Variants in CLEC16A observed in about 807,000 individuals in gnomAD.
The protein encoded by CLEC16A is protein CLEC16A.
Under a neutral mutation model 109.5 loss-of-function variants are expected in CLEC16A, and 51 were observed. The ratio of observed to expected loss-of-function variants is 0.47; its 90% CI spans 0.37 to 0.59. CLEC16A has a LOEUF of 0.59. Among genes scored for constraint, CLEC16A ranks in the 20% least tolerant of loss-of-function variants. CLEC16A has a pLI of 0.00. For missense variants in CLEC16A, 1,339 were observed against 1,394.0 expected, an observed-to-expected ratio of 0.96 and a Z score of 0.63; for synonymous variants, 673 against 564.2, an observed-to-expected ratio of 1.19 and a Z score of -2.73.
rs139409469 is a variant in CLEC16A, at chr16:10,949,023, C to T, written c.80+4226C>T. 4.6e-5 allele frequency among the ~76,000 whole-genome samples: 7 copies of T among 152,312 alleles called. No homozygotes were observed. The East Asian group carries it at 1.4e-3, about 29-fold the overall frequency. On this transcript the variant is annotated intron_variant, in intron 1 of 23. Transcript: ENST00000409790. ...GGGATCTGATTGGCCATTCCTCACT[C>T]ATATTCCCTTCCCTGGAGCAAGAGT...
At chr16:10,976,015 A>G (rs1428254105) in intron 7 of CLEC16A, among the ~76,000 whole-genome samples, 2 of 152,160 alleles carry the variant, frequency 1.3e-5, no homozygotes, top group East Asian at 1.9e-4. Context: ...CTGTAATCCT[A>G]CCACTTTGGG....
Position 11,044,062 on chromosome 16 carries a change from A to AT in CLEC16A, c.1810dup (p.Tyr604LeufsTer2), listed in dbSNP as rs869126719. ...GAAGAAAGTGTTCACCTTGTACGAC[A>AT]TTTTTATAAGGTAATTGGCAGAGCA... On this transcript the variant is annotated frameshift_variant, in exon 16 of 24. Transcript: ENST00000409790. LOFTEE classifies it high-confidence loss of function. 1 of 1,608,864 alleles carries AT rather than the reference A, an allele frequency of 6.2e-7. No individual in the cohort carries two copies. The highest frequency in any genetic ancestry group is 8.5e-7 in the Non-Finnish European group (1 of 1,176,830).
intron 22 of CLEC16A, among the ~76,000 whole-genome samples, chr16:11,159,162 T>C (rs898496798): frequency 6.6e-6 from 1 of 152,204 alleles, no homozygotes; most frequent in African/African-American, 2.4e-5. Flanking sequence ...CAGCAGCAGT[T>C]AGAAGAAGCT....
chr16:11,014,680 GA>G (rs1326417811), intron 11 of CLEC16A, among the ~76,000 whole-genome samples: 1 of 152,202 alleles, frequency 6.6e-6, no homozygotes. Context: ...GAGCCCCCTG[GA>G]AATCCAGCCT....
intron 1 of CLEC16A, among the ~76,000 whole-genome samples, chr16:10,946,155 A>T (rs2041355792): frequency 6.6e-6 from 1 of 152,204 alleles, no homozygotes; most frequent in Admixed American, 6.5e-5. Context: ...GTCAAGAAAT[A>T]GGCAGGTTTC....
At chr16:11,122,186 C>T (rs994533199) in intron 20 of CLEC16A, among the ~76,000 whole-genome samples, 2 of 152,230 alleles carry the variant, frequency 1.3e-5, no homozygotes, top group African/African-American at 4.8e-5. Context: ...GAGAACCACC[C>T]ACATACTTGA....
At chr16:10,976,682 C>T (rs1030031790) in intron 7 of CLEC16A, among the ~76,000 whole-genome samples, 5 of 152,100 alleles carry the variant, frequency 3.3e-5, no homozygotes, top group African/African-American at 1.2e-4. Context: ...CTGACTCCAC[C>T]CAAGAGACAT....
intron 10 of CLEC16A, among the ~76,000 whole-genome samples, chr16:10,989,222 GTTTTTT>G (rs1567163991): frequency 8.0e-5 from 8 of 100,452 alleles, no homozygotes; most frequent in Non-Finnish European, 1.9e-4. Context: ...GTTGTTTTTT[GTTTTTT>G]GTTTTTTTTT....
At chr16:11,112,190 A>G (rs2051638840) in intron 19 of CLEC16A, among the ~76,000 whole-genome samples, 1 of 152,226 alleles carries the variant, frequency 6.6e-6, no homozygotes, top group African/African-American at 2.4e-5. Flanking sequence ...ACATAGCCCC[A>G]TGAGTGCTTG....
At chr16:11,173,446 G>A (rs1008715093) in intron 23 of CLEC16A, among the ~76,000 whole-genome samples, 17 of 152,094 alleles carry the variant, frequency 1.1e-4, no homozygotes, top group South Asian at 2.1e-4. Context: ...AGCCCCACTC[G>A]GCCACCTGGC....
In CLEC16A at chr16:11,034,198, A is replaced by G. The variant is rs188870808; in HGVS notation, c.1538-5556A>G. ...TCAGTTTGGATCTTGGCTGACACAT[A>G]ACCAGAATTAGAAGTACATTGGAAA... On this transcript the variant is annotated intron_variant, in intron 13 of 23. Coordinates refer to ENST00000409790, the MANE Select transcript of CLEC16A (RefSeq NM_015226.3). 1.4e-4 allele frequency among the ~76,000 whole-genome samples: 21 copies of G among 152,350 alleles called. No homozygotes were observed. The East Asian group carries it at 3.7e-3, about 27-fold the overall frequency.
chr16:11,123,929 A>G lies in CLEC16A; in HGVS notation c.2456A>G (p.Lys819Arg), dbSNP rs2052614271. The G allele has an allele frequency of 9.3e-6, 15 of 1,611,072 alleles. No individual in the cohort carries two copies. Among genetic ancestry groups the G allele is most frequent in the Non-Finnish European group, 1.3e-5 (15 of 1,178,686 alleles). Reference protein sequence around the residue: ...AKGRIQARRMKMQRIAALLDL... With the variant: ...AKGRIQARRMRMQRIAALLDL... ...GGCCGCATCCAGGCAAGGCGCATGAAGATGCAGAGAATAGCTGGTGAGTGG... is the reference window on the plus strand; with the variant it reads ...GGCCGCATCCAGGCAAGGCGCATGAGGATGCAGAGAATAGCTGGTGAGTGG... The change falls in exon 21 of 24, where the codon AAG becomes AGG. Residue 819 changes from lysine (K) to arginine (R), a missense_variant. Lys to Arg is a conservative substitution (Grantham distance 26). Coordinates refer to ENST00000409790, the MANE Select transcript of CLEC16A (RefSeq NM_015226.3).
At chr16:11,105,246 A>T (rs1408315014) in intron 19 of CLEC16A, among the ~76,000 whole-genome samples, 2 of 152,244 alleles carry the variant, frequency 1.3e-5, no homozygotes, top group East Asian at 3.9e-4. Flanking sequence ...TGATAAGGGG[A>T]TATGCCAGAC....
chr16:11,112,899 C>T (rs978713140), intron 19 of CLEC16A, among the ~76,000 whole-genome samples: 5 of 152,188 alleles, frequency 3.3e-5, no homozygotes, highest in African/African-American at 1.2e-4. Context: ...GAGGCTTGGT[C>T]TGCACAGCCT....
intron 19 of CLEC16A, among the ~76,000 whole-genome samples, chr16:11,075,392 G>GTGTGTGTGTGTC (rs2049296882): frequency 3.1e-5 from 4 of 130,992 alleles, no homozygotes; most frequent in South Asian, 2.5e-4. Flanking sequence ...GTGTGTGTGT[G>GTGTGTGTGTGTC]TGTGTGTGTG....
intron 19 of CLEC16A, among the ~76,000 whole-genome samples, chr16:11,085,360 G>T (rs573823436): frequency 1.3e-5 from 2 of 152,374 alleles, no homozygotes; most frequent in African/African-American, 4.8e-5. Flanking sequence ...GAGAAAGCAC[G>T]CTTGCTTCAG....
chr16:11,115,683 A>G (rs2051934905), intron 19 of CLEC16A, among the ~76,000 whole-genome samples: 1 of 151,816 alleles, frequency 6.6e-6, no homozygotes, highest in Non-Finnish European at 1.5e-5. Context: ...TGTTTTAAGT[A>G]TTGAGTAAAG....
intron 11 of CLEC16A, among the ~76,000 whole-genome samples, chr16:11,010,924 T>C (rs921587985): frequency 6.6e-6 from 1 of 152,222 alleles, no homozygotes; most frequent in South Asian, 2.1e-4. Context: ...GTGTGATGTG[T>C]CCTTGTGATT....
intron 7 of CLEC16A, among the ~76,000 whole-genome samples, chr16:10,973,267 G>A (rs528034458): frequency 1.6e-3 from 251 of 152,304 alleles, no homozygotes; most frequent in African/African-American, 5.8e-3. Flanking sequence ...CAGAGCAGGC[G>A]GGGTAAATCA....
Sources: allele counts gnomAD v4.1 joint callset (sites outside exome capture counted in the v4.1 genomes callset), GRCh38; gene constraint gnomAD v4.1.1; transcripts MANE v1.5; gene names NCBI Gene and HGNC (gene_info 2026-07-23, HGNC 2026-07-21).